ZNF267: variants seen among roughly 807,000 people sequenced by gnomAD.
The protein encoded by ZNF267 is zinc finger protein 267.
Under a neutral mutation model 71.6 loss-of-function variants are expected in ZNF267, and 61 were observed. The observed-to-expected ratio is 0.85, with a 90% confidence interval of 0.69 to 1.05. The LOEUF is 1.05. Among genes scored for constraint, ZNF267 ranks in the 50% least tolerant of loss-of-function variants. The probability of loss-of-function intolerance (pLI) is 0.00; values close to 1 mark genes in which losing one functional copy is unlikely to be tolerated. For missense variants in ZNF267, 852 were observed against 870.0 expected (o/e 0.98, Z 0.26); for synonymous variants, 288 against 293.2 (o/e 0.98, Z 0.18).
chr16:31,895,369 C>T (rs1398332058), intron 3 of ZNF267, among the ~76,000 whole-genome samples: 1 of 152,162 alleles, frequency 6.6e-6, no homozygotes, highest in Non-Finnish European at 1.5e-5. Flanking sequence ...TTATCTGCTG[C>T]TATACACTTG....
At chr16:31,889,626 A>T (rs1396919218) in intron 3 of ZNF267, among the ~76,000 whole-genome samples, 1 of 152,226 alleles carries the variant, frequency 6.6e-6, no homozygotes, top group East Asian at 1.9e-4. Flanking sequence ...TGGCACCAGC[A>T]TCTGCTTGGC....
intron 3 of ZNF267, among the ~76,000 whole-genome samples, 169 bp downstream of exon 3, chr16:31,885,425 T>C (rs1366913762): frequency 6.6e-6 from 1 of 152,212 alleles, no homozygotes; most frequent in African/African-American, 2.4e-5. Flanking sequence ...TGTCCCATGC[T>C]CTTGAATTAT....
chr16:31,897,246 G>C (rs550079231), intron 3 of ZNF267, among the ~76,000 whole-genome samples: 8 of 151,640 alleles, frequency 5.3e-5, no homozygotes, highest in African/African-American at 1.9e-4. Flanking sequence ...ATTCACAATA[G>C]CTACAAAAAG....
chr16:31,909,665 CTT>C (rs2084120906), intron 3 of ZNF267, among the ~76,000 whole-genome samples: 1 of 152,050 alleles, frequency 6.6e-6, no homozygotes, highest in East Asian at 1.9e-4. Flanking sequence ...TTGGTGGAGT[CTT>C]TAGATTTTTC....
At chr16:31,875,249 G>C in intron 1 of ZNF267, 2 of 1,289,208 alleles carry the variant, frequency 1.6e-6, no homozygotes, top group Non-Finnish European at 2.0e-6. Flanking sequence ...ATGTCTCCTG[G>C]AGTGTTTAGT....
chr16:31,896,704 A>G (rs2084001892), intron 3 of ZNF267, among the ~76,000 whole-genome samples: 1 of 152,110 alleles, frequency 6.6e-6, no homozygotes, highest in African/African-American at 2.4e-5. Context: ...GACGTAAGGT[A>G]TTGTATTGTC....
intron 3 of ZNF267, among the ~76,000 whole-genome samples, chr16:31,896,845 A>G (rs1225243711): frequency 2.0e-5 from 3 of 152,106 alleles, no homozygotes; most frequent in Admixed American, 6.5e-5. Context: ...GTTGCATTAA[A>G]TTCATAGATC....
rs80110523 is a variant in ZNF267 at position 31,876,287 on chromosome 16, A to G, written c.3+2318A>G. Among the ~76,000 whole-genome samples the G allele has an allele frequency of 7.3e-3, 1,113 of 152,310 alleles. 5 individuals carry two copies. Among genetic ancestry groups the G allele is most frequent in the Non-Finnish European group, 0.012 (834 of 68,018 alleles). ...CAGACTGAAGTGCAGTGGTGTGATCACAGCTCACTCAACCTCCTGGGCTCA... is the reference window on the plus strand; with the variant it reads ...CAGACTGAAGTGCAGTGGTGTGATCGCAGCTCACTCAACCTCCTGGGCTCA... On this transcript the variant is annotated intron_variant, in intron 1 of 3. Transcript: ENST00000300870.
intron 3 of ZNF267, among the ~76,000 whole-genome samples, chr16:31,909,319 G>T (rs1460408409): frequency 2.0e-5 from 3 of 151,672 alleles, no homozygotes; most frequent in African/African-American, 7.3e-5. Flanking sequence ...TTTTAGTAGA[G>T]ACGGAGTTTC....
At chr16:31,881,247 C>T (rs1253972170) in intron 1 of ZNF267, among the ~76,000 whole-genome samples, 9 of 152,124 alleles carry the variant, frequency 5.9e-5, no homozygotes, top group Admixed American at 4.6e-4. Flanking sequence ...GTTGGTCAGG[C>T]TTAGGAAAGA....
intron 1 of ZNF267, among the ~76,000 whole-genome samples, chr16:31,879,200 C>G (rs1014489553): frequency 6.6e-6 from 1 of 152,198 alleles, no homozygotes; most frequent in African/African-American, 2.4e-5. Flanking sequence ...GTCATAAAGA[C>G]ATGAAGTTTA....
At chr16:31,905,902 C>T (rs2084085944) in intron 3 of ZNF267, among the ~76,000 whole-genome samples, 1 of 152,086 alleles carries the variant, frequency 6.6e-6, no homozygotes, top group East Asian at 1.9e-4. Flanking sequence ...GTTTTTTCCC[C>T]ATCTTTGTGG....
intron 1 of ZNF267, 106 bp from the exon 2 acceptor site, chr16:31,884,392 C>T: frequency 7.3e-7 from 1 of 1,368,420 alleles, no homozygotes; most frequent in Admixed American, 2.0e-5. Context: ...CTGAATAATT[C>T]AGGTCACTCA....
intron 1 of ZNF267, chr16:31,875,301 A>G: frequency 1.6e-6 from 2 of 1,289,106 alleles, no homozygotes; most frequent in East Asian, 5.5e-5. Context: ...GGACCGCCCA[A>G]GGTATGGAAA....
intron 2 of ZNF267, 87 bp from the exon 3 acceptor site, chr16:31,885,074 C>A: frequency 9.4e-7 from 1 of 1,069,390 alleles, no homozygotes; most frequent in Non-Finnish European, 1.3e-6. Flanking sequence ...GAAATTAATC[C>A]TGTCCTGTGG....
chr16:31,896,006 T>G (rs1174615152), intron 3 of ZNF267, among the ~76,000 whole-genome samples: 1 of 152,220 alleles, frequency 6.6e-6, no homozygotes, highest in East Asian at 1.9e-4. Flanking sequence ...TTGTTATCTG[T>G]GCTTTTCAAG....
At position 31,909,120 on chromosome 16, in the gene ZNF267, CTTTTTTTTT is replaced by C. The variant is rs34409182; in HGVS notation, c.227-5338_227-5330del. 1.1e-4 allele frequency among the ~76,000 whole-genome samples: 5 copies of C among 45,328 alleles called. No individual in the cohort carries two copies. In the East Asian group the frequency reaches 2.9e-3, roughly 26 times the overall value. 29.7% of individuals were successfully genotyped at this position (45,328 alleles called of 152,430 possible). On this transcript the variant is annotated intron_variant, in intron 3 of 3. Transcript: ENST00000300870. The stretch of plus-strand genomic sequence containing the variant: ...TTCTATCTTCTATTTCTTTTCTTTT[CTTTTTTTTT>C]TTTTTTTTTTTTTTTTTGACGTATC...
intron 3 of ZNF267, among the ~76,000 whole-genome samples, chr16:31,903,719 T>C (rs1193779063): frequency 6.6e-6 from 1 of 152,204 alleles, no homozygotes; most frequent in Non-Finnish European, 1.5e-5. Flanking sequence ...TGAATTTTGT[T>C]GATCCTTTCA....
chr16:31,916,394 C>T lies in ZNF267; in HGVS notation c.2145C>T (p.Pro715=), dbSNP rs1199674291. 6.2e-7 allele frequency: 1 copy of T among 1,613,922 alleles called. No individual in the cohort carries two copies. The highest frequency in any genetic ancestry group is 8.5e-7 in the Non-Finnish European group (1 of 1,179,990). The change falls in exon 4 of 4, where the codon CCC becomes CCT. Residue 715 remains proline, a synonymous_variant. Coordinates refer to ENST00000300870, the MANE Select transcript of ZNF267 (RefSeq NM_003414.6). ...THRRSHSGER[P]YKCEECGKAF... is the part of the protein sequence containing the mutation. ...GGAGAAGTCATAGTGGAGAGAGACC[C>T]TACAAATGTGAAGAATGTGGCAAAG...
Sources: allele counts gnomAD v4.1 joint callset (sites outside exome capture counted in the v4.1 genomes callset), GRCh38; gene constraint gnomAD v4.1.1; transcripts MANE v1.5; gene names NCBI Gene and HGNC (gene_info 2026-07-23, HGNC 2026-07-21).